FRMD4A: variants seen among roughly 807,000 people sequenced by gnomAD.
FRMD4A encodes the protein FERM domain containing 4A.
In FRMD4A, 29 loss-of-function variants were observed where a neutral mutation model predicts 129.1. That is an observed-to-expected ratio of 0.22 (90% CI 0.17 to 0.31). FRMD4A has a LOEUF of 0.31. Ranked by LOEUF, FRMD4A falls within the 10% of genes least tolerant of loss-of-function variation. The probability of loss-of-function intolerance (pLI) is 1.00; values close to 1 mark genes in which losing one functional copy is unlikely to be tolerated. For synonymous variants in FRMD4A, 634 were observed against 571.6 expected (o/e 1.11, Z -1.56); for missense variants, 1,272 against 1,375.8 (o/e 0.92, Z 1.19).
intron 2 of FRMD4A, chr10:13,870,984 T>G (rs1197623976): frequency 6.4e-6 from 1 of 157,100 alleles, no homozygotes; most frequent in Non-Finnish European, 1.4e-5. Context: ...TTCCACAAAA[T>G]CCAGCATAGC....
chr10:14,128,043 TCC>T (rs1839003940), intron 2 of FRMD4A, among the ~76,000 whole-genome samples: 2 of 100,022 alleles, frequency 2.0e-5, no homozygotes, highest in Admixed American at 1.3e-4. Flanking sequence ...TTCCTTTCTT[TCC>T]CTCTTTCTTT....
chr10:13,985,592 G>A (rs565367509), intron 2 of FRMD4A, among the ~76,000 whole-genome samples: 1 of 152,338 alleles, frequency 6.6e-6, no homozygotes, highest in Admixed American at 6.5e-5. Flanking sequence ...AGGGCCCTGA[G>A]CTGGGAGCAG....
At chr10:14,161,084 C>T (rs1214530965) in intron 2 of FRMD4A, among the ~76,000 whole-genome samples, 10 of 152,090 alleles carry the variant, frequency 6.6e-5, no homozygotes, top group Admixed American at 3.3e-4. Flanking sequence ...CCCCCCGAGT[C>T]GCTGGGATTA....
chr10:14,098,533 A>G (rs539326851), intron 2 of FRMD4A, among the ~76,000 whole-genome samples: 150 of 152,044 alleles, frequency 9.9e-4, no homozygotes, highest in Non-Finnish European at 1.9e-3. Flanking sequence ...CCTCCCGAGT[A>G]GCTGGGACTG....
chr10:13,659,995 G>T (rs181939874), intron 20 of FRMD4A, among the ~76,000 whole-genome samples: 1 of 152,208 alleles, frequency 6.6e-6, no homozygotes, highest in Non-Finnish European at 1.5e-5. Context: ...CATTTGCTCC[G>T]AGTGGACTTT....
rs547980723 is a variant in FRMD4A, at chr10:13,996,670, C to T, written c.46-137758G>A. 9.2e-5 allele frequency among the ~76,000 whole-genome samples: 14 copies of T among 152,336 alleles called. 1 individual carries two copies. In the South Asian group the frequency reaches 2.9e-3, roughly 32 times the overall value. On this transcript the variant is annotated intron_variant, in intron 2 of 24. Transcript: ENST00000357447. ...GAAAGCCTTCTCTGGATAGGATCTACACGGAAGACTTCCTTCCTAGTGTTG... is the reference window on the plus strand; with the variant it reads ...GAAAGCCTTCTCTGGATAGGATCTATACGGAAGACTTCCTTCCTAGTGTTG...
At chr10:13,878,106 T>C (rs1315896317) in intron 2 of FRMD4A, among the ~76,000 whole-genome samples, 1 of 151,052 alleles carries the variant, frequency 6.6e-6, no homozygotes, top group Non-Finnish European at 1.5e-5. Flanking sequence ...AGTGAGCAGT[T>C]ACAGAAATAA....
chr10:14,047,395 G>A (rs922248529), intron 2 of FRMD4A, among the ~76,000 whole-genome samples: 5 of 152,128 alleles, frequency 3.3e-5, no homozygotes, highest in African/African-American at 9.7e-5. Context: ...GTGCAAGAAA[G>A]GTCCTCAGAG....
intron 2 of FRMD4A, among the ~76,000 whole-genome samples, chr10:13,874,984 C>T (rs952167370): frequency 5.9e-5 from 9 of 151,842 alleles, no homozygotes; most frequent in South Asian, 2.1e-4. Context: ...GGGATGGGGA[C>T]GGGGGGACAC....
intron 2 of FRMD4A, among the ~76,000 whole-genome samples, chr10:14,289,437 T>G (rs1210596075): frequency 6.6e-6 from 1 of 152,162 alleles, no homozygotes; most frequent in Non-Finnish European, 1.5e-5. Flanking sequence ...TGAAGAAACA[T>G]CTATTCAAGT....
At chr10:14,067,721 G>A (rs1265597574) in intron 2 of FRMD4A, among the ~76,000 whole-genome samples, 1 of 152,200 alleles carries the variant, frequency 6.6e-6, no homozygotes, top group Admixed American at 6.5e-5. Flanking sequence ...GGAGGCTGAG[G>A]CAGAAGAATT....
intron 3 of FRMD4A, among the ~76,000 whole-genome samples, chr10:13,823,243 A>T (rs923218789): frequency 7.9e-5 from 12 of 152,094 alleles, no homozygotes; most frequent in Admixed American, 3.9e-4. Context: ...TCTATTCATG[A>T]TCCCCGGGGG....
intron 2 of FRMD4A, among the ~76,000 whole-genome samples, chr10:14,148,502 G>A (rs567012614): frequency 6.6e-6 from 1 of 152,304 alleles, no homozygotes; most frequent in African/African-American, 2.4e-5. Flanking sequence ...GCTGGCTCAC[G>A]CCTGTAATCC....
At chr10:13,797,883 T>C (rs964527150) in intron 4 of FRMD4A, among the ~76,000 whole-genome samples, 5 of 127,528 alleles carry the variant, frequency 3.9e-5, no homozygotes, top group Non-Finnish European at 9.1e-5. Context: ...CCAACCCCTT[T>C]TTGAGGCTTC....
chr10:13,696,914 C>T (rs753167285), intron 14 of FRMD4A, among the ~76,000 whole-genome samples: 5 of 152,262 alleles, frequency 3.3e-5, no homozygotes, highest in Middle Eastern at 3.4e-3. Flanking sequence ...TAAAGGCCAT[C>T]GTAATAAGAA....
At chr10:13,997,229 G>C (rs891935555) in intron 2 of FRMD4A, among the ~76,000 whole-genome samples, 6 of 152,116 alleles carry the variant, frequency 3.9e-5, no homozygotes, top group African/African-American at 1.4e-4. Context: ...GTGGCTGAAG[G>C]GAGGGATATT....
intron 2 of FRMD4A, among the ~76,000 whole-genome samples, chr10:14,089,461 C>A (rs535319148): frequency 6.6e-6 from 1 of 152,088 alleles, no homozygotes; most frequent in East Asian, 1.9e-4. Context: ...CCGCCCTCCC[C>A]GCAGCATGCT....
At chr10:14,175,479 T>C (rs989261092) in intron 2 of FRMD4A, among the ~76,000 whole-genome samples, 1 of 151,214 alleles carries the variant, frequency 6.6e-6, no homozygotes, top group Admixed American at 6.6e-5. Flanking sequence ...ACACCAACTC[T>C]ATCACCTCTT....
chr10:14,244,426 T>C (rs1407212832), intron 2 of FRMD4A, among the ~76,000 whole-genome samples: 1 of 152,204 alleles, frequency 6.6e-6, no homozygotes, highest in African/African-American at 2.4e-5. Context: ...TGGTGCAAGA[T>C]CCCAGCAATC....
Sources: gnomAD v4.1 joint callset for allele counts (sites outside exome capture counted in the v4.1 genomes callset) on GRCh38, gnomAD v4.1.1 for gene constraint, MANE v1.5 for transcripts, NCBI Gene and HGNC (gene_info 2026-07-23, HGNC 2026-07-21) for gene names.